PDE1C: variants seen among roughly 807,000 people sequenced by gnomAD.
PDE1C encodes the protein phosphodiesterase 1C.
PDE1C carries 62 observed loss-of-function variants against 93.1 expected under a neutral mutation model. That is an observed-to-expected ratio of 0.67 (90% confidence interval 0.54 to 0.82). The LOEUF (loss-of-function observed/expected upper bound fraction) is 0.82, where lower values mean the gene tolerates loss of function less well. Among genes scored for constraint, PDE1C ranks in the 40% least tolerant of loss-of-function variants. PDE1C has a pLI of 0.00. For synonymous variants in PDE1C, 325 were observed against 310.1 expected (o/e 1.05, Z -0.50); for missense variants, 742 against 884.6 (o/e 0.84, Z 2.04).
intron 1 of PDE1C, among the ~76,000 whole-genome samples, chr7:32,236,113 G>C (rs1470395386): frequency 1.3e-5 from 2 of 151,924 alleles, no homozygotes; most frequent in Non-Finnish European, 2.9e-5. Flanking sequence ...CCTAGACCTA[G>C]ACCTCATACA....
At chr7:31,705,986 A>ATTTTTTTTTTTTTTTTTTTTTT in the PDE1C span, among the ~76,000 whole-genome samples, 3 of 52,514 alleles carry the variant, frequency 5.7e-5, no homozygotes, top group African/African-American at 1.5e-4. Context: ...CAGACCAGTA[A>ATTTTTTTTTTTTTTTTTTTTTT]TTTTTTTTTT....
At chr7:32,421,195 G>T (rs1011100740) in intron 1 of PDE1C, among the ~76,000 whole-genome samples, 6 of 152,152 alleles carry the variant, frequency 3.9e-5, no homozygotes, top group African/African-American at 1.4e-4. Context: ...TCCTACCTCA[G>T]AAGTAGGTGA....
chr7:32,387,792 T>C (rs1293505053), intron 1 of PDE1C, among the ~76,000 whole-genome samples: 1 of 142,504 alleles, frequency 7.0e-6, no homozygotes, highest in Non-Finnish European at 1.5e-5. Flanking sequence ...ACGGGGCGGC[T>C]GGCCGGGCGG....
intron 7 of PDE1C, among the ~76,000 whole-genome samples, chr7:31,861,405 C>G (rs1348357074): frequency 6.6e-6 from 1 of 151,920 alleles, no homozygotes; most frequent in Admixed American, 6.6e-5. Flanking sequence ...TTGATATGTC[C>G]AAGACTACCT....
intron 1 of PDE1C, among the ~76,000 whole-genome samples, chr7:32,312,798 A>T (rs1314291700): frequency 6.6e-6 from 1 of 152,184 alleles, no homozygotes; most frequent in Non-Finnish European, 1.5e-5. Context: ...AACCATAAAA[A>T]CCCTAGAAGA....
chr7:31,920,560 T>A (rs186997927), intron 2 of PDE1C, among the ~76,000 whole-genome samples: 11 of 152,216 alleles, frequency 7.2e-5, no homozygotes, highest in East Asian at 3.9e-4. Context: ...GTCTTTTTTT[T>A]ATCACCATTT....
chr7:32,262,735 G>A (rs6948856), intron 1 of PDE1C, among the ~76,000 whole-genome samples: 42,953 of 152,120 alleles, frequency 0.28, 6,442 homozygotes, highest in East Asian at 0.45. Context: ...TGGGAAGGGG[G>A]AGCCCCCGTA....
intron 1 of PDE1C, among the ~76,000 whole-genome samples, chr7:32,061,843 A>T (rs1337120275): frequency 6.6e-6 from 1 of 152,254 alleles, no homozygotes; most frequent in East Asian, 1.9e-4. Flanking sequence ...GAAAATATAC[A>T]TAAATTTTTG....
chr7:32,298,491 C>T (rs1812770741), intron 1 of PDE1C, among the ~76,000 whole-genome samples: 1 of 152,130 alleles, frequency 6.6e-6, no homozygotes, highest in Admixed American at 6.5e-5. Flanking sequence ...GGCTTCTGTC[C>T]CGACCCAGTC....
chr7:32,404,477 CTGGG>C (rs1785012316), intron 1 of PDE1C, among the ~76,000 whole-genome samples: 2 of 51,246 alleles, frequency 3.9e-5, no homozygotes, highest in African/African-American at 7.0e-5. Context: ...CCTCTGCCTC[CTGGG>C]TAGCTGGGAC....
intron 7 of PDE1C, among the ~76,000 whole-genome samples, chr7:31,861,725 T>C (rs1794719922): frequency 1.3e-5 from 2 of 152,114 alleles, no homozygotes; most frequent in African/African-American, 4.8e-5. Context: ...TCCTTCCTAG[T>C]CCAAACTATC....
intron 1 of PDE1C, among the ~76,000 whole-genome samples, chr7:32,410,942 T>C (rs1242171078): frequency 6.6e-6 from 1 of 152,226 alleles, no homozygotes; most frequent in Non-Finnish European, 1.5e-5. Context: ...ACTCTTTATT[T>C]GAACTATTTG....
At chr7:32,305,977 C>G (rs866983959) in intron 1 of PDE1C, among the ~76,000 whole-genome samples, 10 of 152,188 alleles carry the variant, frequency 6.6e-5, no homozygotes, top group African/African-American at 1.4e-4. Context: ...GTGGAAGGAA[C>G]CTGGTGGGAG....
At chr7:32,194,907 C>T (rs1476102396) in intron 2 of PDE1C, among the ~76,000 whole-genome samples, 1 of 151,942 alleles carries the variant, frequency 6.6e-6, no homozygotes, top group Non-Finnish European at 1.5e-5. Context: ...TTCCACTTTA[C>T]CTATTGTGTA....
intron 1 of PDE1C, among the ~76,000 whole-genome samples, chr7:32,284,686 C>G (rs1004914051): frequency 3.3e-5 from 5 of 152,214 alleles, no homozygotes; most frequent in Non-Finnish European, 5.9e-5. Flanking sequence ...TCATCCATCT[C>G]TGTGATTCCT....
intron 6 of PDE1C, among the ~76,000 whole-genome samples, chr7:31,865,778 C>T (rs73306523): frequency 0.019 from 2,829 of 152,120 alleles, 85 homozygotes; most frequent in African/African-American, 0.065. Flanking sequence ...TCTTATGTGT[C>T]CAATGTATAT....
chr7:32,405,690 G>C (rs1418190703), intron 1 of PDE1C, among the ~76,000 whole-genome samples: 1 of 152,142 alleles, frequency 6.6e-6, no homozygotes, highest in Non-Finnish European at 1.5e-5. Flanking sequence ...CCTCCAGAGT[G>C]GTTAAAACCT....
chr7:31,620,655 G>A, the PDE1C span, among the ~76,000 whole-genome samples: 3 of 150,292 alleles, frequency 2.0e-5, no homozygotes, highest in Non-Finnish European at 3.0e-5. Flanking sequence ...CCACAAAGAT[G>A]GGGAAAAAAC....
chr7:31,961,244 G>A (rs62456050), intron 2 of PDE1C, among the ~76,000 whole-genome samples: 3 of 130,424 alleles, frequency 2.3e-5, no homozygotes, highest in South Asian at 2.4e-4. Flanking sequence ...ATATGTATAT[G>A]TATATATATA....
Sources: gnomAD v4.1 joint callset for allele counts (sites outside exome capture counted in the v4.1 genomes callset) on GRCh38, gnomAD v4.1.1 for gene constraint, MANE v1.5 for transcripts, NCBI Gene and HGNC (gene_info 2026-07-23, HGNC 2026-07-21) for gene names.